SCD5: variants seen among roughly 807,000 people sequenced by gnomAD.
SCD5 encodes the protein acyl-CoA-desaturase 4.
A neutral mutation model predicts 30.4 loss-of-function variants in SCD5; 20 were observed. The observed-to-expected ratio is 0.66, with a 90% CI of 0.46 to 0.96. The LOEUF (loss-of-function observed/expected upper bound fraction) is 0.96, where lower values mean the gene tolerates loss of function less well. SCD5 is among the 40% of genes least tolerant of loss of function. SCD5 has a pLI of 0.00. For synonymous variants in SCD5, 173 were observed against 176.4 expected (o/e 0.98, Z 0.16); for missense variants, 381 against 443.3 (o/e 0.86, Z 1.26).
intron 1 of SCD5, among the ~76,000 whole-genome samples, chr4:82,745,997 T>A (rs1229801746): frequency 6.6e-6 from 1 of 152,232 alleles, no homozygotes. Flanking sequence ...TCTACTAGGT[T>A]GTTCTAAAAA....
chr4:82,636,436 G>A (rs1727431261), intron 4 of SCD5, among the ~76,000 whole-genome samples, 155 bp downstream of exon 4: 1 of 144,326 alleles, frequency 6.9e-6, no homozygotes, highest in African/African-American at 2.6e-5. Context: ...GGCCAACAGA[G>A]TGAGACTCTA....
chr4:82,773,148 T>C (rs1016870401), intron 1 of SCD5, among the ~76,000 whole-genome samples: 9 of 152,168 alleles, frequency 5.9e-5, no homozygotes, highest in Admixed American at 5.9e-4. Flanking sequence ...CAATAGAGTC[T>C]TTCTGGTCAC....
chr4:82,682,437 A>T (rs762880545), intron 2 of SCD5, among the ~76,000 whole-genome samples: 1 of 152,222 alleles, frequency 6.6e-6, no homozygotes, highest in Non-Finnish European at 1.5e-5. Flanking sequence ...AACTTTGAGA[A>T]GATGAATTAA....
chr4:82,743,992 AT>A (rs1578048888), intron 1 of SCD5, among the ~76,000 whole-genome samples: 1 of 151,686 alleles, frequency 6.6e-6, no homozygotes, highest in East Asian at 1.9e-4. Context: ...CACCTGGATA[AT>A]TTTTCTATTT....
chr4:82,766,313 G>T (rs1481784543), intron 1 of SCD5, among the ~76,000 whole-genome samples: 1 of 152,066 alleles, frequency 6.6e-6, no homozygotes, highest in East Asian at 1.9e-4. Context: ...ACTTTTTATA[G>T]ATAATTTCTA....
chr4:82,798,639 A>G lies in SCD5; in HGVS notation c.-102T>C. The G allele has an allele frequency of 1.0e-6, 1 of 997,210 alleles. No individual in the cohort carries two copies. The highest frequency in any genetic ancestry group is 1.7e-5 in the South Asian group (1 of 58,450). The allele number at this position is 997,210 out of a possible 1,614,324, so 61.8% of individuals were successfully genotyped here. On this transcript the variant is annotated 5_prime_UTR_variant, in exon 1 of 5. Coordinates refer to ENST00000319540, the MANE Select transcript of SCD5 (RefSeq NM_001037582.3). ...GGGGGCTTCTGCCTTTTAGGGGGGAATTCTCCGCACGTCCAGTCCCCTCCT... is the reference window on the plus strand; with the variant it reads ...GGGGGCTTCTGCCTTTTAGGGGGGAGTTCTCCGCACGTCCAGTCCCCTCCT...
At chr4:82,680,634 G>A in intron 3 of SCD5, 73 bp downstream of exon 3, 1 of 1,363,738 alleles carries the variant, frequency 7.3e-7, no homozygotes, top group Non-Finnish European at 1.0e-6. Context: ...ATGGGGTTAT[G>A]AGTCCACCTC....
In SCD5 at chr4:82,629,615, A is replaced by G. The variant is rs766920300; in HGVS notation, c.*1712T>C. 2.0e-5 allele frequency: 3 copies of G among 152,220 alleles called. No individual in the cohort carries two copies. The highest frequency in any genetic ancestry group is 4.8e-5 in the African/African-American group (2 of 41,462). 9.4% of individuals were successfully genotyped at this position (152,220 alleles called of 1,614,324 possible). On this transcript the variant is annotated 3_prime_UTR_variant, in exon 5 of 5. Coordinates refer to ENST00000319540, the MANE Select transcript of SCD5 (RefSeq NM_001037582.3). ...GGCAAAATAACACTGTTAAACACCT[A>G]CTGGATGAAGAACTTCATTGTGACT...
chr4:82,771,961 G>C (rs997152200), intron 1 of SCD5, among the ~76,000 whole-genome samples: 1 of 152,148 alleles, frequency 6.6e-6, no homozygotes, highest in African/African-American at 2.4e-5. Flanking sequence ...GTTAAGTAAG[G>C]TACAGATATG....
intron 3 of SCD5, among the ~76,000 whole-genome samples, chr4:82,673,955 G>GA (rs1312685399): frequency 6.6e-6 from 1 of 152,020 alleles, no homozygotes; most frequent in Non-Finnish European, 1.5e-5. Flanking sequence ...ATTTGCATGC[G>GA]AAAAAATGAA....
chr4:82,695,253 A>ATATTTATT (rs141067986), intron 2 of SCD5, among the ~76,000 whole-genome samples: 1 of 151,718 alleles, frequency 6.6e-6, no homozygotes, highest in African/African-American at 2.4e-5. Flanking sequence ...AGCCACTGAA[A>ATATTTATT]TATTTATTTA....
intron 1 of SCD5, among the ~76,000 whole-genome samples, chr4:82,762,545 T>A (rs1721399499): frequency 6.6e-6 from 1 of 152,120 alleles, no homozygotes; most frequent in Admixed American, 6.6e-5. Flanking sequence ...ATCCAGCCTC[T>A]AGGGGCTAAA....
chr4:82,675,844 G>A (rs938639137), intron 3 of SCD5, among the ~76,000 whole-genome samples: 2 of 152,228 alleles, frequency 1.3e-5, no homozygotes, highest in African/African-American at 4.8e-5. Context: ...AATATGAGAT[G>A]ACAAATCGCT....
At chr4:82,662,714 G>C (rs1311477865) in intron 3 of SCD5, among the ~76,000 whole-genome samples, 1 of 151,896 alleles carries the variant, frequency 6.6e-6, no homozygotes, top group Non-Finnish European at 1.5e-5. Flanking sequence ...ACAAAAATTA[G>C]CTGGGCATGG....
intron 1 of SCD5, among the ~76,000 whole-genome samples, chr4:82,754,847 C>T (rs1481293914): frequency 3.3e-5 from 5 of 152,094 alleles, no homozygotes; most frequent in Admixed American, 2.6e-4. Flanking sequence ...CTTCTTATAT[C>T]GGCAGAAGTG....
chr4:82,685,266 C>A (rs919848927), intron 2 of SCD5, among the ~76,000 whole-genome samples: 12 of 117,252 alleles, frequency 1.0e-4, no homozygotes, highest in Non-Finnish European at 1.7e-4. Flanking sequence ...AGGTGGTAGG[C>A]TTCATTAGCA....
intron 3 of SCD5, among the ~76,000 whole-genome samples, chr4:82,674,561 T>C (rs1728395056): frequency 6.6e-6 from 1 of 152,208 alleles, no homozygotes; most frequent in Non-Finnish European, 1.5e-5. Context: ...GAAGACAGTT[T>C]GGCTGTTTCT....
chr4:82,735,164 G>A (rs886653316), intron 1 of SCD5, among the ~76,000 whole-genome samples: 5 of 152,134 alleles, frequency 3.3e-5, no homozygotes, highest in African/African-American at 1.2e-4. Flanking sequence ...TGAGATTTTT[G>A]AAAATTGATT....
intron 1 of SCD5, among the ~76,000 whole-genome samples, chr4:82,736,850 G>A (rs1412462208): frequency 6.6e-6 from 1 of 152,066 alleles, no homozygotes. Context: ...AAATTTTGTA[G>A]ACACGGGGTC....
Sources: allele counts gnomAD v4.1 joint callset (sites outside exome capture counted in the v4.1 genomes callset), GRCh38; gene constraint gnomAD v4.1.1; transcripts MANE v1.5; gene names NCBI Gene and HGNC (gene_info 2026-07-23, HGNC 2026-07-21).